The following CTNNA3 variants were observed in gnomAD, a reference collection of about 807,000 sequenced individuals.
CTNNA3 encodes the protein catenin alpha 3, also known as catenin alpha-3.
CTNNA3 carries 76 observed loss-of-function variants against 95.7 expected under a neutral mutation model. The observed-to-expected ratio is 0.79, with a 90% CI of 0.66 to 0.96. CTNNA3 has a LOEUF of 0.96. Among genes scored for constraint, CTNNA3 ranks in the 40% least tolerant of loss-of-function variants. The pLI is 0.00. For synonymous variants in CTNNA3, 431 were observed against 374.4 expected (o/e 1.15, Z -1.74); for missense variants, 1,191 against 1,089.8 (o/e 1.09, Z -1.31).
chr10:66,196,352 G>A (rs751267272), intron 13 of CTNNA3, among the ~76,000 whole-genome samples: 10 of 152,106 alleles, frequency 6.6e-5, no homozygotes, highest in Admixed American at 1.3e-4. Flanking sequence ...GCAAGCACAG[G>A]GAAAGGAAAG....
At chr10:66,886,570 C>T (rs1221844642) in intron 7 of CTNNA3, among the ~76,000 whole-genome samples, 1 of 152,132 alleles carries the variant, frequency 6.6e-6, no homozygotes, top group African/African-American at 2.4e-5. Context: ...GATTTTCCAT[C>T]GACATGTTAT....
intron 9 of CTNNA3, among the ~76,000 whole-genome samples, chr10:66,700,025 G>A (rs571788506): frequency 7.2e-5 from 11 of 151,952 alleles, no homozygotes; most frequent in African/African-American, 2.7e-4. Flanking sequence ...TATTGTGTGA[G>A]TTTCTTATTT....
chr10:66,092,625 A>G (rs2081252855), intron 14 of CTNNA3, among the ~76,000 whole-genome samples: 2 of 151,982 alleles, frequency 1.3e-5, no homozygotes, highest in African/African-American at 2.4e-5. Context: ...TAAGTCACAT[A>G]TATCACAATA....
chr10:66,330,277 T>A (rs1589097045), intron 12 of CTNNA3, among the ~76,000 whole-genome samples: 1 of 150,218 alleles, frequency 6.7e-6, no homozygotes, highest in East Asian at 2.0e-4. Context: ...TGTCCCTGTG[T>A]TCTCATTGTT....
intron 12 of CTNNA3, among the ~76,000 whole-genome samples, chr10:66,353,802 T>C (rs975924078): frequency 5.3e-5 from 8 of 152,018 alleles, no homozygotes; most frequent in Admixed American, 3.3e-4. Context: ...GGGAAAGGGA[T>C]CGCTGAGATA....
intron 9 of CTNNA3, among the ~76,000 whole-genome samples, chr10:66,738,374 T>A (rs1269782382): frequency 6.6e-6 from 1 of 152,222 alleles, no homozygotes; most frequent in African/African-American, 2.4e-5. Context: ...CAGTTTGATG[T>A]ATTCTTTCTA....
chr10:66,847,376 T>C (rs1297904998), intron 7 of CTNNA3, among the ~76,000 whole-genome samples: 1 of 152,158 alleles, frequency 6.6e-6, no homozygotes. Context: ...CAACTATATT[T>C]TGAATATATA....
intron 15 of CTNNA3, among the ~76,000 whole-genome samples, chr10:65,992,576 T>G (rs1326828980): frequency 6.6e-6 from 1 of 152,164 alleles, no homozygotes; most frequent in Non-Finnish European, 1.5e-5. Context: ...ATTTCTGTGA[T>G]GTCAATTGTA....
intron 16 of CTNNA3, among the ~76,000 whole-genome samples, chr10:65,969,050 T>C (rs1453533948): frequency 6.6e-6 from 1 of 152,058 alleles, no homozygotes; most frequent in Non-Finnish European, 1.5e-5. Context: ...TAAACAAGGA[T>C]GAAGTATACA....
chr10:67,029,485 G>T (rs1175403749), intron 7 of CTNNA3, among the ~76,000 whole-genome samples: 1 of 152,056 alleles, frequency 6.6e-6, no homozygotes, highest in East Asian at 1.9e-4. Flanking sequence ...GATAACCGGT[G>T]GGTACTCATC....
At chr10:66,434,714 G>T (rs778407370) in intron 11 of CTNNA3, among the ~76,000 whole-genome samples, 1 of 152,020 alleles carries the variant, frequency 6.6e-6, no homozygotes, top group African/African-American at 2.4e-5. Context: ...GGGCATCCTT[G>T]CCTGTGCTGG....
chr10:66,654,872 A>G (rs1277777775), intron 9 of CTNNA3, among the ~76,000 whole-genome samples: 1 of 152,104 alleles, frequency 6.6e-6, no homozygotes, highest in African/African-American at 2.4e-5. Flanking sequence ...GATCTAACTT[A>G]CATGTGAAAT....
intron 12 of CTNNA3, among the ~76,000 whole-genome samples, chr10:66,296,556 C>T (rs780039006): frequency 1.1e-4 from 16 of 150,168 alleles, no homozygotes; most frequent in Non-Finnish European, 1.5e-4. Context: ...TGTGTGCATG[C>T]GTGTGTGTAT....
At chr10:66,012,930 A>C (rs1226947490) in intron 15 of CTNNA3, among the ~76,000 whole-genome samples, 1 of 152,088 alleles carries the variant, frequency 6.6e-6, no homozygotes, top group African/African-American at 2.4e-5. Context: ...ATCATATATC[A>C]GCTCTTGTCA....
At chr10:66,345,480 G>A (rs2132369252) in intron 12 of CTNNA3, among the ~76,000 whole-genome samples, 1 of 152,116 alleles carries the variant, frequency 6.6e-6, no homozygotes, top group East Asian at 1.9e-4. Context: ...ATTCTGAAGG[G>A]AATTACTGTA....
chr10:67,606,828 T>C, intron 3 of CTNNA3, 29 bp downstream of exon 3: 16 of 1,556,574 alleles, frequency 1.0e-5, no homozygotes, highest in Non-Finnish European at 1.3e-5. Context: ...GATATGCAGT[T>C]TGCTCCTGAC....
At chr10:66,873,942 T>G (rs1844512042) in intron 7 of CTNNA3, among the ~76,000 whole-genome samples, 1 of 152,118 alleles carries the variant, frequency 6.6e-6, no homozygotes, top group Non-Finnish European at 1.5e-5. Context: ...TCTCCAAGAA[T>G]CAGATGCCAA....
At chr10:66,671,068 T>C (rs1846642771) in intron 9 of CTNNA3, among the ~76,000 whole-genome samples, 1 of 152,146 alleles carries the variant, frequency 6.6e-6, no homozygotes, top group South Asian at 2.1e-4. Flanking sequence ...AGAGAGGATA[T>C]TATTTGATTA....
chr10:67,051,003 A>G (rs1220936504), intron 7 of CTNNA3, among the ~76,000 whole-genome samples: 1 of 152,216 alleles, frequency 6.6e-6, no homozygotes, highest in African/African-American at 2.4e-5. Context: ...GAACTCTTGG[A>G]ACAGTTACAA....
Sources: gnomAD v4.1 joint callset for allele counts (sites outside exome capture counted in the v4.1 genomes callset) on GRCh38, gnomAD v4.1.1 for gene constraint, MANE v1.5 for transcripts, NCBI Gene and HGNC (gene_info 2026-07-23, HGNC 2026-07-21) for gene names.